The following TMPRSS11E variants were observed in gnomAD, a reference collection of about 807,000 sequenced individuals.
TMPRSS11E encodes transmembrane protease serine 11E.
TMPRSS11E carries 38 observed loss-of-function variants against 48.1 expected under a neutral mutation model. The ratio of observed to expected loss-of-function variants is 0.79; its 90% CI spans 0.61 to 1.04. TMPRSS11E has a LOEUF of 1.04. Among genes scored for constraint, TMPRSS11E ranks in the 50% least tolerant of loss-of-function variants. TMPRSS11E has a pLI of 0.00. For missense variants in TMPRSS11E, 530 were observed against 510.8 expected (o/e 1.04, Z -0.36); for synonymous variants, 158 against 171.9 (o/e 0.92, Z 0.63).
chr4:68,479,022 T>A lies in TMPRSS11E; in HGVS notation c.1110+31T>A, dbSNP rs1179176620. 2.5e-6 allele frequency: 4 copies of A among 1,604,068 alleles called. No homozygotes were observed. In the East Asian group the frequency reaches 8.9e-5, roughly 36 times the overall value. On this transcript the variant is annotated intron_variant, in intron 9 of 9. Transcript: ENST00000305363. ...CAGTTTTGCCCATTAGTAGGTTGTG[T>A]AATTTTTTGTTTACTTTTCTTTGAA...
In TMPRSS11E at chr4:68,495,123, T is replaced by C. The variant is rs1729831194; in HGVS notation, c.1111-1520T>C. ...TTTCCATCTTCTACTGACATAACTC[T>C]GCCATTCACTAATCAAATGTGAGCT... On this transcript the variant is annotated intron_variant, in intron 9 of 9. Transcript: ENST00000305363. Among the ~76,000 whole-genome samples, 3 of 152,202 alleles carry C rather than the reference T, an allele frequency of 2.0e-5. No individual in the cohort carries two copies. In the South Asian group the frequency reaches 6.2e-4, roughly 31 times the overall value.
intron 9 of TMPRSS11E, 32 bp downstream of exon 9, chr4:68,479,023 A>G: frequency 6.2e-7 from 1 of 1,604,218 alleles, no homozygotes; most frequent in Non-Finnish European, 8.5e-7. Context: ...TAGGTTGTGT[A>G]ATTTTTTGTT....
In TMPRSS11E at chr4:68,461,956, G is replaced by A. The variant is rs1173360580; in HGVS notation, c.136+11G>A. ...ATTATGTGAGATATAGTAAGTATAAGCTGCCTTGGCATCATGTGATTTACC... is the reference window on the plus strand; with the variant it reads ...ATTATGTGAGATATAGTAAGTATAAACTGCCTTGGCATCATGTGATTTACC... On this transcript the variant is annotated intron_variant, in intron 2 of 9. Coordinates refer to ENST00000305363, the MANE Select transcript of TMPRSS11E (RefSeq NM_014058.4). 4 of 1,613,894 alleles carry A rather than the reference G, an allele frequency of 2.5e-6. No individual in the cohort carries two copies. The highest frequency in any genetic ancestry group is 3.4e-6 in the Non-Finnish European group (4 of 1,179,926).
At chr4:68,448,024 A>T (rs544920458) in intron 1 of TMPRSS11E, among the ~76,000 whole-genome samples, 4 of 152,130 alleles carry the variant, frequency 2.6e-5, no homozygotes, top group African/African-American at 7.2e-5. Context: ...TGACTAAATT[A>T]TTATAGCCTG....
intron 5 of TMPRSS11E, among the ~76,000 whole-genome samples, chr4:68,473,823 A>G (rs1729139296): frequency 6.6e-6 from 1 of 152,154 alleles, no homozygotes. Flanking sequence ...TCCTTTTAAT[A>G]TTAACTGAGA....
intron 9 of TMPRSS11E, among the ~76,000 whole-genome samples, chr4:68,479,367 A>T (rs1029098591): frequency 4.6e-5 from 7 of 152,040 alleles, no homozygotes; most frequent in African/African-American, 1.7e-4. Flanking sequence ...AGAATGTTAT[A>T]TAAATAGAGT....
chr4:68,472,102 A>C (rs1036313916), intron 5 of TMPRSS11E, among the ~76,000 whole-genome samples: 1 of 151,926 alleles, frequency 6.6e-6, no homozygotes, highest in Non-Finnish European at 1.5e-5. Flanking sequence ...TAAATGAAAA[A>C]TTTAGGTAGA....
intron 5 of TMPRSS11E, among the ~76,000 whole-genome samples, chr4:68,472,549 C>G (rs765580525): frequency 2.0e-5 from 3 of 151,998 alleles, no homozygotes; most frequent in Non-Finnish European, 2.9e-5. Context: ...CCACAGGTGG[C>G]TAGTGGATAC....
chr4:68,471,796 C>T (rs928925250), intron 5 of TMPRSS11E, among the ~76,000 whole-genome samples, 173 bp downstream of exon 5: 2 of 151,776 alleles, frequency 1.3e-5, no homozygotes, highest in Non-Finnish European at 2.9e-5. Context: ...TTTAAGACTA[C>T]CCTAAACTTA....
intron 8 of TMPRSS11E, among the ~76,000 whole-genome samples, chr4:68,478,299 G>T (rs530080658): frequency 6.6e-6 from 1 of 151,184 alleles, no homozygotes; most frequent in African/African-American, 2.4e-5. Flanking sequence ...GGGACTACAG[G>T]TGCCCGCCTA....
At chr4:68,468,379 T>C (rs931048358) in intron 3 of TMPRSS11E, among the ~76,000 whole-genome samples, 1 of 152,126 alleles carries the variant, frequency 6.6e-6, no homozygotes, top group Non-Finnish European at 1.5e-5. Flanking sequence ...CCAGTTCACC[T>C]GGGCCTTTTT....
intron 6 of TMPRSS11E, 39 bp downstream of exon 6, chr4:68,474,800 G>A: frequency 1.3e-6 from 2 of 1,546,392 alleles, no homozygotes; most frequent in Non-Finnish European, 1.8e-6. Context: ...ATTACCTGAA[G>A]GTAAAAAGCT....
chr4:68,475,393 T>A (rs1253700537), intron 6 of TMPRSS11E, among the ~76,000 whole-genome samples: 1 of 152,164 alleles, frequency 6.6e-6, no homozygotes, highest in Admixed American at 6.6e-5. Context: ...TTGTTGCACA[T>A]TACATTTCTC....
In TMPRSS11E at chr4:68,474,781, T is replaced by G. The variant is rs1729165291; in HGVS notation, c.529+20T>G. On this transcript the variant is annotated intron_variant, in intron 6 of 9. Transcript: ENST00000305363. ...ACCATTGTAAGTTTAATATATTTAT[T>G]AAAATAGCATTACCTGAAGGTAAAA... The G allele has an allele frequency of 6.3e-7, 1 of 1,586,238 alleles. No homozygotes were observed. The highest frequency in any genetic ancestry group is 1.4e-5 in the African/African-American group (1 of 73,454).
At chr4:68,454,396 C>T (rs1008136619) in intron 1 of TMPRSS11E, among the ~76,000 whole-genome samples, 13 of 151,686 alleles carry the variant, frequency 8.6e-5, no homozygotes, top group Non-Finnish European at 8.8e-5. Flanking sequence ...CTAATATGAA[C>T]CTGAGCTTAT....
At chr4:68,455,103 T>C (rs931197908) in intron 1 of TMPRSS11E, among the ~76,000 whole-genome samples, 3 of 151,946 alleles carry the variant, frequency 2.0e-5, no homozygotes, top group Non-Finnish European at 4.4e-5. Context: ...ATTTTCAAAG[T>C]CTGGCTTTCT....
chr4:68,466,819 G>A (rs2278922), intron 3 of TMPRSS11E, 67 bp downstream of exon 3: 346,809 of 1,592,798 alleles, frequency 0.22, 39,862 homozygotes, highest in Admixed American at 0.31. Flanking sequence ...TAGCATCCTA[G>A]CTTCTAAAAG....
At chr4:68,452,229 G>A (rs62317542) in intron 1 of TMPRSS11E, among the ~76,000 whole-genome samples, 42,054 of 151,576 alleles carry the variant, frequency 0.28, 6,185 homozygotes, top group Admixed American at 0.33. Context: ...AACACCGGTG[G>A]CTACATGACC....
intron 9 of TMPRSS11E, among the ~76,000 whole-genome samples, chr4:68,487,788 A>G (rs1374451416): frequency 6.6e-6 from 1 of 151,844 alleles, no homozygotes; most frequent in Admixed American, 6.6e-5. Flanking sequence ...TAAAAATACA[A>G]AAATTAGCCA....
Sources: allele counts gnomAD v4.1 joint callset (sites outside exome capture counted in the v4.1 genomes callset), GRCh38; gene constraint gnomAD v4.1.1; transcripts MANE v1.5; gene names NCBI Gene and HGNC (gene_info 2026-07-23, HGNC 2026-07-21).